The following PTPRK variants were observed in gnomAD, a reference collection of about 807,000 sequenced individuals.
PTPRK encodes the protein receptor-type tyrosine-protein phosphatase kappa.
In PTPRK, 75 loss-of-function variants were observed where a neutral mutation model predicts 178.0. The ratio of observed to expected loss-of-function variants is 0.42; its 90% CI spans 0.35 to 0.51. The LOEUF is 0.51. Among genes scored for constraint, PTPRK ranks in the 20% least tolerant of loss-of-function variants. PTPRK has a pLI of 0.02. For synonymous variants in PTPRK, 637 were observed against 620.6 expected (o/e 1.03, Z -0.39); for missense variants, 1,441 against 1,797.8 (o/e 0.80, Z 3.59).
Position 128,322,028 on chromosome 6 carries a change from C to T in PTPRK, c.495+11G>A, listed in dbSNP as rs763404563. 1.2e-6 allele frequency: 2 copies of T among 1,613,772 alleles called. No homozygotes were observed. Among genetic ancestry groups the T allele is most frequent in the African/African-American group, 1.3e-5 (1 of 74,998 alleles). On this transcript the variant is annotated intron_variant, in intron 3 of 29. Coordinates refer to ENST00000368226, the MANE Select transcript of PTPRK (RefSeq NM_002844.4). ...CATCAAAACATACACCAGAAAAGTA[C>T]AGATGATTACCTGATATTCATTGGG... is the stretch of plus-strand genomic sequence containing the variant.
chr6:128,378,417 A>G (rs1837410771), intron 2 of PTPRK, among the ~76,000 whole-genome samples: 1 of 152,170 alleles, frequency 6.6e-6, no homozygotes, highest in African/African-American at 2.4e-5. Flanking sequence ...GCACACAAAC[A>G]TAGACTTAGA....
At chr6:128,471,616 A>AAC (rs1426754459) in intron 1 of PTPRK, among the ~76,000 whole-genome samples, 2 of 150,436 alleles carry the variant, frequency 1.3e-5, no homozygotes, top group Non-Finnish European at 3.0e-5. Flanking sequence ...AAAAAAAAAA[A>AAC]AAAAAAAAAA....
intron 13 of PTPRK, among the ~76,000 whole-genome samples, chr6:128,014,730 CAT>C: frequency 6.6e-6 from 1 of 151,560 alleles, no homozygotes; most frequent in Non-Finnish European, 1.5e-5. Flanking sequence ...TTGTAAAGCA[CAT>C]GTTATTTATT....
chr6:128,383,551 T>C (rs1201232611), intron 2 of PTPRK, among the ~76,000 whole-genome samples: 1 of 152,244 alleles, frequency 6.6e-6, no homozygotes, highest in Non-Finnish European at 1.5e-5. Flanking sequence ...ATTCCATTTA[T>C]GTATTCATTC....
At chr6:128,510,774 G>A (rs1287922752) in intron 1 of PTPRK, among the ~76,000 whole-genome samples, 2 of 151,458 alleles carry the variant, frequency 1.3e-5, no homozygotes, top group Non-Finnish European at 2.9e-5. Context: ...GTTTATATTT[G>A]GAAATATTGT....
intron 13 of PTPRK, among the ~76,000 whole-genome samples, chr6:128,014,514 G>A (rs1478389649): frequency 6.6e-6 from 1 of 151,524 alleles, no homozygotes; most frequent in Non-Finnish European, 1.5e-5. Flanking sequence ...GTAACATAAT[G>A]GTGTGAAAGG....
At chr6:128,439,623 G>A (rs529817028) in intron 1 of PTPRK, among the ~76,000 whole-genome samples, 16 of 152,284 alleles carry the variant, frequency 1.1e-4, no homozygotes, top group South Asian at 1.0e-3. Context: ...AAAGCCTACC[G>A]ATTACAATGA....
chr6:128,257,788 C>A (rs1474923281), intron 3 of PTPRK, among the ~76,000 whole-genome samples: 1 of 151,984 alleles, frequency 6.6e-6, no homozygotes, highest in Non-Finnish European at 1.5e-5. Flanking sequence ...TAATAAAATG[C>A]CAACTTTTCA....
At chr6:128,344,788 C>T (rs1292212836) in intron 2 of PTPRK, among the ~76,000 whole-genome samples, 1 of 152,100 alleles carries the variant, frequency 6.6e-6, no homozygotes, top group Non-Finnish European at 1.5e-5. Flanking sequence ...AGTGCTGAGA[C>T]TACAGGCATG....
chr6:128,496,315 TG>T (rs1252474910), intron 1 of PTPRK, among the ~76,000 whole-genome samples: 3 of 152,160 alleles, frequency 2.0e-5, no homozygotes, highest in Non-Finnish European at 4.4e-5. Flanking sequence ...AGAGCAGGGA[TG>T]GGGGCTAGTC....
At chr6:128,496,594 C>T (rs62425733) in intron 1 of PTPRK, among the ~76,000 whole-genome samples, 103 of 152,252 alleles carry the variant, frequency 6.8e-4, no homozygotes, top group Non-Finnish European at 1.2e-3. Flanking sequence ...ATGGTCCTGT[C>T]CTGAACGATC....
chr6:128,330,441 A>G (rs1339191), intron 2 of PTPRK, among the ~76,000 whole-genome samples: 99,194 of 151,858 alleles, frequency 0.65, 36,637 homozygotes, highest in Middle Eastern at 0.86. Flanking sequence ...TAAGGACTCA[A>G]TGATCAAACT....
At chr6:128,221,304 C>T (rs1433634542) in intron 5 of PTPRK, among the ~76,000 whole-genome samples, 1 of 150,402 alleles carries the variant, frequency 6.6e-6, no homozygotes, top group African/African-American at 2.4e-5. Context: ...GCGGCTGGAT[C>T]ACGAGGTCAG....
intron 6 of PTPRK, among the ~76,000 whole-genome samples, chr6:128,208,094 A>G (rs1807303077): frequency 1.3e-5 from 2 of 152,048 alleles, no homozygotes; most frequent in Admixed American, 1.3e-4. Flanking sequence ...ACCATGCATC[A>G]ACCAGTCTGA....
At chr6:128,491,587 C>T in intron 1 of PTPRK, 1 of 332,934 alleles carries the variant, frequency 3.0e-6, no homozygotes, top group Non-Finnish European at 6.1e-6. Flanking sequence ...ATTATTTTTA[C>T]CTGCAGTCAA....
At chr6:128,361,357 T>G (rs1420462502) in intron 2 of PTPRK, among the ~76,000 whole-genome samples, 1 of 152,216 alleles carries the variant, frequency 6.6e-6, no homozygotes, top group African/African-American at 2.4e-5. Context: ...CAGTTACTTT[T>G]TGTTATTTTG....
intron 3 of PTPRK, among the ~76,000 whole-genome samples, chr6:128,247,002 A>C (rs1293307358): frequency 6.6e-6 from 1 of 152,210 alleles, no homozygotes; most frequent in Non-Finnish European, 1.5e-5. Context: ...ATCCACAGGA[A>C]GTGTCTCCTA....
chr6:128,064,205 G>T (rs1196820089), intron 13 of PTPRK, among the ~76,000 whole-genome samples: 1 of 152,102 alleles, frequency 6.6e-6, no homozygotes, highest in Non-Finnish European at 1.5e-5. Flanking sequence ...AGGCAGCTAA[G>T]CCATAATATG....
chr6:128,404,667 A>G (rs1014684097), intron 1 of PTPRK, among the ~76,000 whole-genome samples: 2 of 152,214 alleles, frequency 1.3e-5, no homozygotes, highest in Non-Finnish European at 2.9e-5. Context: ...TAAGTATGTG[A>G]CTTCATCCAA....
Sources: gnomAD v4.1 joint callset for allele counts (sites outside exome capture counted in the v4.1 genomes callset) on GRCh38, gnomAD v4.1.1 for gene constraint, MANE v1.5 for transcripts, NCBI Gene and HGNC (gene_info 2026-07-23, HGNC 2026-07-21) for gene names.